The following ZNF254 variants were observed in gnomAD, a reference collection of about 807,000 sequenced individuals.
The protein encoded by ZNF254 is zinc finger protein 254.
A neutral mutation model predicts 12.4 loss-of-function variants in ZNF254; 10 were observed. That is an observed-to-expected ratio of 0.80 (90% CI 0.50 to 1.36). The LOEUF (loss-of-function observed/expected upper bound fraction) is 1.36, where lower values mean the gene tolerates loss of function less well. Among genes scored for constraint, ZNF254 ranks in the 40% most tolerant of loss-of-function variants. The probability of loss-of-function intolerance (pLI) is 0.00; values close to 1 mark genes in which losing one functional copy is unlikely to be tolerated. For synonymous variants in ZNF254, 305 were observed against 253.4 expected (o/e 1.20, Z -1.93); for missense variants, 996 against 763.9 (o/e 1.30, Z -3.58).
intron 2 of ZNF254, among the ~76,000 whole-genome samples, chr19:24,082,157 C>T (rs992022487): frequency 2.6e-5 from 4 of 151,782 alleles, no homozygotes; most frequent in Admixed American, 1.3e-4. Context: ...TATCGAGTCT[C>T]GCAAAATATA....
rs1972080276 is a variant in ZNF254, at chr19:24,087,273, C to G, written c.-35C>G. ...TCCTAGAGGCCCAGCCTCTGTGGCG[C>G]TGTTACCAGCAGGTATTGGAGATCC... On this transcript the variant is annotated 5_prime_UTR_variant, in exon 1 of 4. Transcript: ENST00000357002. 3 of 1,612,906 alleles carry G rather than the reference C, an allele frequency of 1.9e-6. No individual in the cohort carries two copies. The highest frequency in any genetic ancestry group is 2.5e-6 in the Non-Finnish European group (3 of 1,179,308).
chr19:24,087,721 T>G (rs571004267), intron 1 of ZNF254, among the ~76,000 whole-genome samples: 1 of 152,172 alleles, frequency 6.6e-6, no homozygotes, highest in Non-Finnish European at 1.5e-5. Context: ...CATTAAAAAT[T>G]TATGGGCGTC....
intron 3 of ZNF254, among the ~76,000 whole-genome samples, chr19:24,115,379 C>A (rs940951844): frequency 6.6e-6 from 1 of 152,018 alleles, no homozygotes; most frequent in Admixed American, 6.6e-5. Flanking sequence ...TTTGTAGGGA[C>A]ATGGATGAAA....
At chr19:24,117,455 G>A (rs544770258) in intron 3 of ZNF254, among the ~76,000 whole-genome samples, 1 of 152,286 alleles carries the variant, frequency 6.6e-6, no homozygotes, top group Non-Finnish European at 1.5e-5. Flanking sequence ...AGACTGCTGT[G>A]CTAGCAATCA....
At chr19:24,122,787 G>T (rs7252836) in intron 3 of ZNF254, among the ~76,000 whole-genome samples, 1 of 151,054 alleles carries the variant, frequency 6.6e-6, no homozygotes, top group Non-Finnish European at 1.5e-5. Flanking sequence ...TTTACCTATT[G>T]GCTTACAGTA....
intron 2 of ZNF254, among the ~76,000 whole-genome samples, chr19:24,077,430 T>A (rs916596271): frequency 7.2e-5 from 11 of 152,204 alleles, no homozygotes; most frequent in Non-Finnish European, 8.8e-5. Context: ...AAGGCACTGC[T>A]AGCTGGTCAC....
At chr19:24,118,390 A>T (rs948800559) in intron 3 of ZNF254, among the ~76,000 whole-genome samples, 3 of 152,030 alleles carry the variant, frequency 2.0e-5, no homozygotes, top group Non-Finnish European at 4.4e-5. Context: ...AGGTGTTTTT[A>T]AAAAATTGAT....
chr19:24,122,156 C>A (rs1015719798), intron 3 of ZNF254, among the ~76,000 whole-genome samples: 1 of 152,116 alleles, frequency 6.6e-6, no homozygotes, highest in Non-Finnish European at 1.5e-5. Context: ...CATTGTCATG[C>A]AACATATTGC....
chr19:24,049,440 T>C (rs909737943), intron 2 of ZNF254: 1 of 151,892 alleles, frequency 6.6e-6, no homozygotes, highest in African/African-American at 2.4e-5. Flanking sequence ...ACATTTCTGA[T>C]GGTGTGATTA....
chr19:24,105,836 A>C (rs972159631), intron 1 of ZNF254, 104 bp from the exon 2 acceptor site: 5 of 1,489,416 alleles, frequency 3.4e-6, no homozygotes, highest in Non-Finnish European at 4.5e-6. Context: ...AATCACTCTT[A>C]TAAGTCAGAA....
chr19:24,071,331 G>A (rs1298571800), intron 2 of ZNF254, among the ~76,000 whole-genome samples: 1 of 152,182 alleles, frequency 6.6e-6, no homozygotes, highest in Admixed American at 6.5e-5. Flanking sequence ...CCTGTCCACA[G>A]GAGACATAGT....
At chr19:24,105,913 A>G (rs779336659) in intron 1 of ZNF254, 27 bp from the exon 2 acceptor site, 96 of 1,575,272 alleles carry the variant, frequency 6.1e-5, no homozygotes, top group Non-Finnish European at 7.8e-5. Context: ...CACTTTGTAA[A>G]TATGTGTGTT....
intron 2 of ZNF254, chr19:24,066,663 T>C (rs1463243608): frequency 6.6e-6 from 1 of 151,650 alleles, no homozygotes; most frequent in African/African-American, 2.4e-5. Flanking sequence ...CTGGTCAACA[T>C]GGTGAAAACC....
chr19:24,101,626 A>G (rs1046038148), intron 1 of ZNF254, among the ~76,000 whole-genome samples: 1 of 152,188 alleles, frequency 6.6e-6, no homozygotes, highest in African/African-American at 2.4e-5. Flanking sequence ...CTACATACCA[A>G]AAAGCTAGCT....
intron 1 of ZNF254, among the ~76,000 whole-genome samples, chr19:24,095,706 G>A (rs1266328932): frequency 6.6e-6 from 1 of 152,012 alleles, no homozygotes; most frequent in Non-Finnish European, 1.5e-5. Flanking sequence ...AGATATTTTT[G>A]TGGGGTCAGT....
upstream of ZNF254, chr19:24,087,178 T>G: frequency 5.0e-6 from 6 of 1,202,876 alleles, no homozygotes; most frequent in South Asian, 6.4e-5. Context: ...GCTTCCGGGA[T>G]ATGGCGGGGC....
intron 2 of ZNF254, among the ~76,000 whole-genome samples, chr19:24,046,923 G>T (rs1970413852): frequency 6.7e-6 from 1 of 149,462 alleles, no homozygotes; most frequent in Non-Finnish European, 1.5e-5. Flanking sequence ...GGAGTGCAAT[G>T]GTGCAATCTT....
upstream of ZNF254, among the ~76,000 whole-genome samples, chr19:24,086,355 G>C (rs1310097739): frequency 6.6e-6 from 1 of 151,924 alleles, no homozygotes; most frequent in Non-Finnish European, 1.5e-5. Flanking sequence ...GCCCAGGCTA[G>C]GGTGCAGTGG....
In ZNF254 at chr19:24,106,793, G is replaced by A. The variant is rs371117628; in HGVS notation, c.253+150G>A. The A allele has an allele frequency of 5.6e-6, 3 of 531,656 alleles. No homozygotes were observed. The African/African-American group carries it at 5.9e-5, about 10-fold the overall frequency. The allele number at this position is 531,656 out of a possible 1,614,324, so 32.9% of individuals were successfully genotyped here. On this transcript the variant is annotated intron_variant, in intron 3 of 3. Transcript: ENST00000357002. ...TTTTTTTAAATTATACTCTCACATA[G>A]GGGCATCTTCTGCTTATGCCTATAA... is the stretch of plus-strand genomic sequence containing the variant.
Sources: allele counts gnomAD v4.1 joint callset (sites outside exome capture counted in the v4.1 genomes callset), GRCh38; gene constraint gnomAD v4.1.1; transcripts MANE v1.5; gene names NCBI Gene and HGNC (gene_info 2026-07-23, HGNC 2026-07-21).